The following CHD9 variants were observed in gnomAD, a reference collection of about 807,000 sequenced individuals.
CHD9 encodes the protein chromodomain helicase DNA binding protein 9.
Under a neutral mutation model 316.1 loss-of-function variants are expected in CHD9, and 77 were observed. The ratio of observed to expected loss-of-function variants is 0.24; its 90% confidence interval spans 0.20 to 0.29. The LOEUF (loss-of-function observed/expected upper bound fraction) is 0.29. Among genes scored for constraint, CHD9 ranks in the 10% least tolerant of loss-of-function variants. CHD9 has a pLI of 1.00. For missense variants in CHD9, 2,763 were observed against 3,438.1 expected, an observed-to-expected ratio of 0.80 and a Z score of 4.91; for synonymous variants, 1,129 against 1,158.3, an observed-to-expected ratio of 0.97 and a Z score of 0.51.
chr16:53,228,587 C>CCGGACTG (rs1158980741), intron 7 of CHD9, among the ~76,000 whole-genome samples: 1 of 141,630 alleles, frequency 7.1e-6, no homozygotes, highest in Non-Finnish European at 1.5e-5. Context: ...GTCGCCCAGG[C>CCGGACTG]CGGACTGCGG....
At chr16:53,151,347 G>A in intron 1 of CHD9, among the ~76,000 whole-genome samples, 1 of 151,404 alleles carries the variant, frequency 6.6e-6, no homozygotes, top group East Asian at 1.9e-4. Context: ...TGCCTCTCGG[G>A]TTCAAGTGAT....
chr16:53,312,063 A>G (rs1354610191), intron 34 of CHD9: 1 of 152,244 alleles, frequency 6.6e-6, no homozygotes, highest in Non-Finnish European at 1.5e-5. Flanking sequence ...GAAATAAGTC[A>G]GGGTAGTATA....
rs2057269328 is a variant in CHD9, at chr16:53,321,459, C to T, written c.7714-67C>T. On this transcript the variant is annotated intron_variant, in intron 37 of 38. Coordinates refer to ENST00000447540, the MANE Select transcript of CHD9 (RefSeq NM_001308319.2). ...AAGGAAATAAACTCTGTAGAGCATA[C>T]AATAAAAGCAATCAAGAGTTTTCTA... 4.1e-6 allele frequency: 6 copies of T among 1,450,294 alleles called. No homozygotes were observed. In the African/African-American group the frequency reaches 7.1e-5, roughly 17 times the overall value. 89.8% of individuals were successfully genotyped at this position (1,450,294 alleles called of 1,614,324 possible). A position where few individuals can be genotyped will look rare whatever the true frequency, so the allele number is the denominator to read the frequency against.
chr16:53,318,084 A>G (rs2057014798), intron 36 of CHD9, 128 bp from the exon 37 acceptor site: 2 of 680,728 alleles, frequency 2.9e-6, no homozygotes, highest in Admixed American at 3.7e-5. Flanking sequence ...AAAAGTTTAG[A>G]TATTTTTAAA....
In CHD9 at chr16:53,156,355, C is replaced by T; in HGVS notation, c.266C>T (p.Pro89Leu). The change falls in exon 2 of 39, where the codon CCA becomes CTA. Residue 89 changes from proline (P) to leucine (L), a missense_variant. Pro to Leu is a moderately conservative substitution (Grantham distance 98, BLOSUM62 -3). This residue lies in a region of CHD9 where 859 missense variants were observed against 890.4 expected (regional missense o/e 0.96). Transcript: ENST00000447540. ...FHHVNQSFGS[P>L]AEHVLSPHSQ... ...CATGTTAATCAATCTTTTGGTAGCC[C>T]AGCTGAACATGTGTTATCTCCACAC... is the stretch of plus-strand genomic sequence containing the variant. The T allele has an allele frequency of 2.5e-6, 4 of 1,613,920 alleles. No homozygotes were observed. The highest frequency in any genetic ancestry group is 3.4e-6 in the Non-Finnish European group (4 of 1,179,858).
At chr16:53,122,462 C>T (rs751698839) in intron 1 of CHD9, among the ~76,000 whole-genome samples, 7 of 151,722 alleles carry the variant, frequency 4.6e-5, no homozygotes, top group South Asian at 4.2e-4. Context: ...TTTGTCTCAA[C>T]GTGTTCATAT....
chr16:53,141,024 T>C (rs73599542), intron 1 of CHD9, among the ~76,000 whole-genome samples: 4,939 of 152,322 alleles, frequency 0.032, 100 homozygotes, highest in Middle Eastern at 0.071. Flanking sequence ...CTTTTGCTTA[T>C]GTCCTTTGGT....
chr16:53,227,517 A>G (rs754083792), intron 6 of CHD9, 31 bp from the exon 7 acceptor site: 2 of 1,479,452 alleles, frequency 1.4e-6, no homozygotes, highest in African/African-American at 2.8e-5. Flanking sequence ...CCTGTTTAAA[A>G]GAGTCACCAT....
rs2152917282 is a variant in CHD9 at position 53,226,475 on chromosome 16, C to T, written c.2006C>T (p.Ala669Val). 1 of 1,607,264 alleles carries T rather than the reference C, an allele frequency of 6.2e-7. No individual in the cohort carries two copies. Among genetic ancestry groups the T allele is most frequent in the Non-Finnish European group, 8.5e-7 (1 of 1,178,204 alleles). ...TCTATGAAAATAAAAAAGAATTCAG[C>T]TCCTTTACCTGGTGAACAGCCTTTA... ...KGSMKIKKNS[A>V]PLPGEQPLQL... is the part of the protein sequence containing the mutation. Residue 669 changes from alanine (A) to valine (V), a missense_variant, in exon 5 of 39, where the codon GCT (alanine) becomes GTT (valine). This residue lies in a region of CHD9 where 859 missense variants were observed against 890.4 expected (regional missense o/e 0.96). Coordinates refer to ENST00000447540, the MANE Select transcript of CHD9 (RefSeq NM_001308319.2).
At chr16:53,128,114 G>A (rs1169304674) in intron 1 of CHD9, among the ~76,000 whole-genome samples, 1 of 152,134 alleles carries the variant, frequency 6.6e-6, no homozygotes, top group Non-Finnish European at 1.5e-5. Flanking sequence ...AGGCTTTCTG[G>A]ATACCCAAAT....
In CHD9 at chr16:53,238,410, G is replaced by A; in HGVS notation, c.2701G>A (p.Glu901Lys). 6.2e-7 allele frequency: 1 copy of A among 1,612,874 alleles called. No individual in the cohort carries two copies. The highest frequency in any genetic ancestry group is 1.1e-5 in the South Asian group (1 of 91,042). The change falls in exon 12 of 39, where the codon GAA becomes AAA. Residue 901 changes from glutamate (E) to lysine (K), a missense_variant. By Grantham distance (56) the Glu-to-Lys change is moderately conservative. This residue lies in a region of CHD9 where 186 missense variants were observed against 245.0 expected (regional missense o/e 0.76). Transcript: ENST00000447540. ...KTIQSITFLYEILLTGIRGPF... is the reference protein window; with the variant it reads ...KTIQSITFLYKILLTGIRGPF... ...TATTCAATCAATTACATTCCTCTAT[G>A]AAATCCTTCTGACTGGTATAAGAGG...
intron 2 of CHD9, among the ~76,000 whole-genome samples, chr16:53,191,130 C>T (rs936359269): frequency 1.3e-5 from 2 of 152,136 alleles, no homozygotes; most frequent in Non-Finnish European, 2.9e-5. Context: ...CAGGCAATCA[C>T]TGATTTACTT....
intron 1 of CHD9, among the ~76,000 whole-genome samples, chr16:53,068,525 C>T (rs548173875): frequency 6.6e-6 from 1 of 152,178 alleles, no homozygotes; most frequent in African/African-American, 2.4e-5. Context: ...TTCTCTCAAA[C>T]CCACCTTAAG....
intron 1 of CHD9, among the ~76,000 whole-genome samples, chr16:53,073,044 C>T (rs1336249224): frequency 6.6e-6 from 1 of 152,166 alleles, no homozygotes; most frequent in Non-Finnish European, 1.5e-5. Flanking sequence ...TAAATATATT[C>T]ATAGTGATGT....
intron 36 of CHD9, among the ~76,000 whole-genome samples, chr16:53,318,006 G>A (rs1283985159): frequency 2.0e-5 from 3 of 152,046 alleles, no homozygotes; most frequent in Non-Finnish European, 4.4e-5. Flanking sequence ...CCAGTGAGCT[G>A]TGACCACACC....
chr16:53,160,488 C>T (rs1021461701), intron 2 of CHD9, among the ~76,000 whole-genome samples: 4 of 151,990 alleles, frequency 2.6e-5, no homozygotes, highest in Non-Finnish European at 2.9e-5. Flanking sequence ...CTGATAAATA[C>T]GGTTTTAAGT....
chr16:53,282,975 A>G (rs1043894848), intron 24 of CHD9, among the ~76,000 whole-genome samples: 1 of 151,982 alleles, frequency 6.6e-6, no homozygotes, highest in African/African-American at 2.4e-5. Context: ...CTCTATGCTT[A>G]TGTCTTCCAA....
At chr16:53,322,869 A>T (rs1178501811) in intron 38 of CHD9, among the ~76,000 whole-genome samples, 2 of 152,198 alleles carry the variant, frequency 1.3e-5, no homozygotes, top group Non-Finnish European at 2.9e-5. Flanking sequence ...ACACATAATG[A>T]AATGTTAGCA....
At chr16:53,300,043 T>A (rs1354108285) in intron 30 of CHD9, among the ~76,000 whole-genome samples, 1 of 152,194 alleles carries the variant, frequency 6.6e-6, no homozygotes, top group African/African-American at 2.4e-5. Context: ...TTCAAATGGT[T>A]GGTGTCTTTG....
Sources: gnomAD v4.1 joint callset for allele counts (sites outside exome capture counted in the v4.1 genomes callset) on GRCh38, gnomAD v4.1.1 for gene constraint, gnomAD v4.1.1 regional missense constraint, MANE v1.5 for transcripts, NCBI Gene and HGNC (gene_info 2026-07-23, HGNC 2026-07-21) for gene names.